The following CD36 variants were observed in gnomAD, a reference collection of about 807,000 sequenced individuals.
The protein encoded by CD36 is platelet glycoprotein 4.
A neutral mutation model predicts 55.2 loss-of-function variants in CD36; 119 were observed. The observed-to-expected ratio is 2.15, with a 90% CI of 1.86 to 2.51. The LOEUF is 2.51. CD36 is among the 30% of genes most tolerant of loss of function. The pLI is 0.00. For missense variants in CD36, 819 were observed against 555.5 expected (o/e 1.47, Z -4.77); for synonymous variants, 186 against 193.6 (o/e 0.96, Z 0.33).
rs1387442268 is a variant in CD36 at position 80,678,691 on chromosome 7, A to G, written c.*2308A>G. 6.6e-6 allele frequency: 1 copy of G among 152,122 alleles called. No individual in the cohort carries two copies. The allele number at this position is 152,122 out of a possible 1,614,324, so 9.4% of individuals were successfully genotyped here. On this transcript the variant is annotated 3_prime_UTR_variant, in exon 15 of 15. Transcript: ENST00000447544. ...AACATGGTGAAACCTCATCTCTACT[A>G]AAAATACAAAAATGAGCGGGGTGTG...
rs1275841847 is a variant in CD36 at position 80,678,958 on chromosome 7, T to C, written c.*2575T>C. The C allele has an allele frequency of 6.6e-6, 1 of 152,172 alleles. No homozygotes were observed. Among genetic ancestry groups the C allele is most frequent in the African/African-American group, 2.4e-5 (1 of 41,450 alleles). 9.4% of individuals were successfully genotyped at this position (152,172 alleles called of 1,614,324 possible). A position where few individuals can be genotyped will look rare whatever the true frequency, so the allele number is the denominator to read the frequency against. ...AGGTGTGTACCAACTGACATTTCAG[T>C]TTTTCTGTTTGAAGTCCAATGTATT... On this transcript the variant is annotated 3_prime_UTR_variant, in exon 15 of 15. Coordinates refer to ENST00000447544, the MANE Select transcript of CD36 (RefSeq NM_001001548.3).
intron 1 of CD36, among the ~76,000 whole-genome samples, chr7:80,627,694 C>A (rs1023465087): frequency 1.3e-4 from 20 of 152,054 alleles, no homozygotes; most frequent in African/African-American, 4.8e-4. Context: ...ACAACTATTT[C>A]ATGATACACA....
chr7:80,619,737 A>C (rs1793357031), intron 1 of CD36, among the ~76,000 whole-genome samples: 1 of 152,026 alleles, frequency 6.6e-6, no homozygotes, highest in African/African-American at 2.4e-5. Flanking sequence ...AAACCAACTG[A>C]AAGTAATTCA....
chr7:80,637,290 C>G (rs958283554), upstream of CD36, among the ~76,000 whole-genome samples: 1 of 151,386 alleles, frequency 6.6e-6, no homozygotes, highest in Non-Finnish European at 1.5e-5. Flanking sequence ...TTTATACTAC[C>G]ATTTTATATC....
In CD36 at chr7:80,657,087, C is replaced by T. The variant is rs1312672189; in HGVS notation, c.281+387C>T. On this transcript the variant is annotated intron_variant, in intron 4 of 14. Transcript: ENST00000447544. The stretch of plus-strand genomic sequence containing the variant: ...AGGAAAAAAAAATCAGTTTTCACAT[C>T]TTAAAATTTAAAGCATATTTTAACA... Among the ~76,000 whole-genome samples the T allele has an allele frequency of 2.0e-5, 3 of 152,130 alleles. No homozygotes were observed. The East Asian group carries it at 5.8e-4, about 29-fold the overall frequency.
At chr7:80,668,793 C>CCAGA (rs928094505) in intron 8 of CD36, among the ~76,000 whole-genome samples, 2 of 152,078 alleles carry the variant, frequency 1.3e-5, no homozygotes, top group Non-Finnish European at 2.9e-5. Context: ...GACACACTTG[C>CCAGA]CAGAGAAAGA....
intron 1 of CD36, among the ~76,000 whole-genome samples, chr7:80,614,559 G>T (rs1006937826): frequency 1.3e-5 from 2 of 152,084 alleles, no homozygotes; most frequent in Non-Finnish European, 2.9e-5. Context: ...ATTAGTCTGT[G>T]ATTTTTTTGC....
chr7:80,643,696 A>G (rs1417146832), intron 1 of CD36, among the ~76,000 whole-genome samples: 1 of 152,118 alleles, frequency 6.6e-6, no homozygotes, highest in Admixed American at 6.6e-5. Flanking sequence ...AGAATTGAAA[A>G]ACCAGTTCAG....
At chr7:80,650,012 A>G (rs912585927) in intron 3 of CD36, among the ~76,000 whole-genome samples, 2 of 152,132 alleles carry the variant, frequency 1.3e-5, no homozygotes, top group Admixed American at 6.5e-5. Context: ...AGGGTAATAA[A>G]GAAGGGGGAA....
chr7:80,616,748 A>G (rs1443587993), intron 1 of CD36, among the ~76,000 whole-genome samples: 1 of 152,118 alleles, frequency 6.6e-6, no homozygotes, highest in Non-Finnish European at 1.5e-5. Context: ...GCTCACTGAT[A>G]TTACTTAATT....
chr7:80,641,386 C>G (rs1444783707), intron 1 of CD36, among the ~76,000 whole-genome samples: 1 of 152,000 alleles, frequency 6.6e-6, no homozygotes, highest in Non-Finnish European at 1.5e-5. Flanking sequence ...TAAAAACTAA[C>G]TTCTATACTC....
intron 3 of CD36, among the ~76,000 whole-genome samples, chr7:80,654,763 T>C (rs937911336): frequency 3.3e-5 from 5 of 152,134 alleles, no homozygotes; most frequent in Non-Finnish European, 5.9e-5. Context: ...CCATTTTAAC[T>C]TGGTGCCCAG....
At chr7:80,613,303 G>A (rs1219063144) in intron 1 of CD36, among the ~76,000 whole-genome samples, 1 of 151,974 alleles carries the variant, frequency 6.6e-6, no homozygotes, top group Non-Finnish European at 1.5e-5. Flanking sequence ...TTTTTGCAGG[G>A]AGGTGAGGGT....
chr7:80,614,524 A>G (rs1474624519), intron 1 of CD36, among the ~76,000 whole-genome samples: 2 of 152,186 alleles, frequency 1.3e-5, no homozygotes, highest in African/African-American at 2.4e-5. Flanking sequence ...CAGAATAAAA[A>G]TGAAATTATC....
chr7:80,640,990 C>T (rs896014973), intron 1 of CD36, among the ~76,000 whole-genome samples: 2 of 152,002 alleles, frequency 1.3e-5, no homozygotes, highest in Non-Finnish European at 2.9e-5. Context: ...AGATAAGATT[C>T]TGGAGATCTC....
At chr7:80,647,038 G>C (rs757968446) in intron 3 of CD36, 178 bp downstream of exon 3, 473 of 606,116 alleles carry the variant, frequency 7.8e-4, no homozygotes, top group South Asian at 2.4e-3. Flanking sequence ...AATGTTATAA[G>C]TATAATGTAT....
intron 1 of CD36, among the ~76,000 whole-genome samples, chr7:80,605,743 T>C (rs1792508983): frequency 6.6e-6 from 1 of 152,206 alleles, no homozygotes; most frequent in Non-Finnish European, 1.5e-5. Context: ...AAATGGGGAA[T>C]AAATACTAGT....
chr7:80,668,005 C>A (rs1302594106), intron 8 of CD36, among the ~76,000 whole-genome samples: 2 of 151,902 alleles, frequency 1.3e-5, no homozygotes, highest in African/African-American at 4.8e-5. Flanking sequence ...CCTCGGCCTC[C>A]CAAAGTGCTG....
intron 1 of CD36, among the ~76,000 whole-genome samples, chr7:80,617,355 T>C (rs917074228): frequency 2.0e-5 from 3 of 151,868 alleles, no homozygotes; most frequent in Non-Finnish European, 2.9e-5. Flanking sequence ...GTAACAAACC[T>C]GCATGTGTAC....
Sources: allele counts gnomAD v4.1 joint callset (sites outside exome capture counted in the v4.1 genomes callset), GRCh38; gene constraint gnomAD v4.1.1; transcripts MANE v1.5; gene names NCBI Gene and HGNC (gene_info 2026-07-23, HGNC 2026-07-21).